Variants in GPHN observed in about 807,000 individuals in gnomAD.
GPHN encodes the protein gephyrin.
Under a neutral mutation model 95.5 loss-of-function variants are expected in GPHN, and 17 were observed. That is an observed-to-expected ratio of 0.18 (90% CI 0.12 to 0.27). GPHN has a LOEUF of 0.27. Among genes scored for constraint, GPHN ranks in the 10% least tolerant of loss-of-function variants. The pLI, the probability that GPHN is intolerant of heterozygous loss-of-function variation, is 1.00. For missense variants in GPHN, 660 were observed against 978.1 expected (o/e 0.67, Z 4.34); for synonymous variants, 320 against 322.5 (o/e 0.99, Z 0.08).
intron 11 of GPHN, among the ~76,000 whole-genome samples, chr14:67,073,592 GATAAA>G (rs2076389614): frequency 6.6e-6 from 1 of 152,078 alleles, no homozygotes; most frequent in Admixed American, 6.5e-5. Context: ...AAGTTGTAGT[GATAAA>G]ATAAACATGA....
At chr14:66,623,762 A>G (rs1381676863) in intron 1 of GPHN, among the ~76,000 whole-genome samples, 1 of 152,040 alleles carries the variant, frequency 6.6e-6, no homozygotes. Flanking sequence ...GAGAAATTTT[A>G]AAGAAGAGGA....
the GPHN span, among the ~76,000 whole-genome samples, chr14:67,221,324 T>C: frequency 2.0e-5 from 3 of 152,198 alleles, no homozygotes; most frequent in South Asian, 6.2e-4. Flanking sequence ...CAGAAGTTGG[T>C]GATTTCTCCT....
the GPHN span, among the ~76,000 whole-genome samples, chr14:67,421,068 A>G: frequency 0.031 from 4,759 of 152,284 alleles, 117 homozygotes; most frequent in Non-Finnish European, 0.045. Context: ...TCTAAAAGGA[A>G]CTGAACCCAG....
the GPHN span, among the ~76,000 whole-genome samples, chr14:67,525,554 T>C: frequency 6.6e-6 from 1 of 152,212 alleles, no homozygotes; most frequent in African/African-American, 2.4e-5. Context: ...ATAGTCACAA[T>C]TGTAGCTGAA....
intron 3 of GPHN, among the ~76,000 whole-genome samples, chr14:66,801,579 C>T (rs1335992469): frequency 6.7e-6 from 1 of 149,226 alleles, no homozygotes; most frequent in Non-Finnish European, 1.5e-5. Flanking sequence ...CCCCTCTCCC[C>T]ACTCTCTCTC....
At chr14:67,523,646 C>T in the GPHN span, among the ~76,000 whole-genome samples, 1 of 152,220 alleles carries the variant, frequency 6.6e-6, no homozygotes, top group East Asian at 1.9e-4. Context: ...CATGCTGTAT[C>T]TCTACCATGT....
At chr14:66,739,553 A>G (rs1211788972) in intron 2 of GPHN, among the ~76,000 whole-genome samples, 1 of 150,340 alleles carries the variant, frequency 6.7e-6, no homozygotes, top group Non-Finnish European at 1.5e-5. Context: ...AAAACCATCA[A>G]TGGAAGGAAA....
intron 1 of GPHN, 64 bp from the exon 2 acceptor site, chr14:66,681,043 G>A: frequency 1.1e-6 from 1 of 924,430 alleles, no homozygotes; most frequent in East Asian, 2.4e-5. Context: ...CTTTTGGTCA[G>A]CAATAGCTTA....
At chr14:67,658,266 T>C in the GPHN span, among the ~76,000 whole-genome samples, 1 of 152,176 alleles carries the variant, frequency 6.6e-6, no homozygotes, top group Non-Finnish European at 1.5e-5. Flanking sequence ...CAATACTTTT[T>C]CTGAAGGTAT....
intron 18 of GPHN, among the ~76,000 whole-genome samples, chr14:67,158,514 A>G (rs1304436534): frequency 6.6e-6 from 1 of 152,142 alleles, no homozygotes; most frequent in Non-Finnish European, 1.5e-5. Flanking sequence ...GATAGAAGGG[A>G]ACACATTTTT....
the GPHN span, among the ~76,000 whole-genome samples, chr14:67,340,909 C>T: frequency 4.6e-5 from 7 of 152,262 alleles, no homozygotes; most frequent in Admixed American, 1.3e-4. Context: ...CTCCTAACTG[C>T]GAGTGATCCG....
chr14:66,774,088 C>T (rs911879326), intron 2 of GPHN, among the ~76,000 whole-genome samples: 20 of 149,146 alleles, frequency 1.3e-4, no homozygotes, highest in Admixed American at 6.0e-4. Flanking sequence ...ACTGCAACTC[C>T]GCCTCCCGGG....
chr14:67,283,126 C>T, the GPHN span, among the ~76,000 whole-genome samples: 1 of 152,086 alleles, frequency 6.6e-6, no homozygotes, highest in Admixed American at 6.6e-5. Context: ...TGATTAGGGG[C>T]TTTCTAATCT....
At chr14:67,368,661 C>T in the GPHN span, among the ~76,000 whole-genome samples, 4 of 143,732 alleles carry the variant, frequency 2.8e-5, no homozygotes, top group South Asian at 2.3e-4. Flanking sequence ...TGATTCTTAA[C>T]GATTCTTACA....
chr14:66,861,687 G>A (rs947935835), intron 4 of GPHN, among the ~76,000 whole-genome samples: 4 of 152,062 alleles, frequency 2.6e-5, no homozygotes, highest in Non-Finnish European at 2.9e-5. Context: ...AATCAATAAC[G>A]AGGAATGTTG....
the GPHN span, among the ~76,000 whole-genome samples, chr14:67,192,124 C>T: frequency 9.9e-5 from 15 of 152,236 alleles, no homozygotes; most frequent in Non-Finnish European, 2.2e-4. Context: ...AAGCCCTTCC[C>T]TGCAACATAG....
At chr14:67,184,407 CA>C (rs991752354), downstream of GPHN, among the ~76,000 whole-genome samples, 3 of 152,070 alleles carry the variant, frequency 2.0e-5, no homozygotes, top group Non-Finnish European at 4.4e-5. Flanking sequence ...AAGTGAGAGA[CA>C]CCAGTTAAGT....
the GPHN span, among the ~76,000 whole-genome samples, chr14:67,505,639 G>A: frequency 3.3e-5 from 5 of 152,252 alleles, no homozygotes; most frequent in South Asian, 1.0e-3. Context: ...AGCTGAAAGA[G>A]GCTAGAGGTG....
the GPHN span, among the ~76,000 whole-genome samples, chr14:67,325,730 A>C: frequency 3.9e-5 from 6 of 152,010 alleles, no homozygotes; most frequent in Admixed American, 3.9e-4. Context: ...ATTTCTTTTT[A>C]GGCTATCTTT....
Sources: gnomAD v4.1 joint callset for allele counts (sites outside exome capture counted in the v4.1 genomes callset) on GRCh38, gnomAD v4.1.1 for gene constraint, MANE v1.5 for transcripts, NCBI Gene and HGNC (gene_info 2026-07-23, HGNC 2026-07-21) for gene names.